The following CELF2 variants were observed in gnomAD, a reference collection of about 807,000 sequenced individuals.
CELF2 encodes the protein CUG triplet repeat RNA-binding protein 2.
CELF2 carries 8 observed loss-of-function variants against 62.6 expected under a neutral mutation model. That is an observed-to-expected ratio of 0.13 (90% CI 0.07 to 0.23). The LOEUF is 0.23. CELF2 is among the 10% of genes least tolerant of loss of function. The pLI, the probability that CELF2 is intolerant of heterozygous loss-of-function variation, is 1.00. For missense variants in CELF2, 333 were observed against 671.0 expected, an observed-to-expected ratio of 0.50 and a Z score of 5.56; for synonymous variants, 258 against 250.0, an observed-to-expected ratio of 1.03 and a Z score of -0.30.
rs983077612 is a variant in CELF2 at position 11,098,428 on chromosome 10, G to T, written c.75-67058G>T. The T allele has an allele frequency of 6.6e-6, 1 of 152,132 alleles. No homozygotes were observed. Among genetic ancestry groups the T allele is most frequent in the African/African-American group, 2.4e-5 (1 of 41,410 alleles). 9.4% of individuals were successfully genotyped at this position (152,132 alleles called of 1,614,324 possible). On this transcript the variant is annotated intron_variant, in intron 1 of 12. Coordinates refer to ENST00000633077, the MANE Select transcript of CELF2 (RefSeq NM_001326342.2). This position sits in a 1 kb window ranked among gnomAD's most constrained non-coding sequence, Gnocchi z 4.0. ...TTGCCCTTAGGTCAGGCACATTGAC[G>T]TGAGCTCAAACCCCCATGTACTGCA...
chr10:11,141,817 A>G (rs1485878699), intron 1 of CELF2, among the ~76,000 whole-genome samples: 3 of 152,250 alleles, frequency 2.0e-5, no homozygotes, highest in African/African-American at 7.2e-5. Flanking sequence ...AACATAATGT[A>G]TGGTATGTAG....
chr10:10,565,118 A>T, the CELF2 span, among the ~76,000 whole-genome samples: 1 of 152,212 alleles, frequency 6.6e-6, no homozygotes, highest in African/African-American at 2.4e-5. Flanking sequence ...AAAGGGGCTT[A>T]TTTTCTCACT....
At chr10:10,501,440 ATAAT>A in the CELF2 span, among the ~76,000 whole-genome samples, 1 of 152,000 alleles carries the variant, frequency 6.6e-6, no homozygotes, top group Non-Finnish European at 1.5e-5. Flanking sequence ...TGCCCACTTT[ATAAT>A]TAGATTTTGT....
At chr10:11,006,010 A>T (rs1267458073) in intron 1 of CELF2, among the ~76,000 whole-genome samples, 1 of 152,090 alleles carries the variant, frequency 6.6e-6, no homozygotes. Flanking sequence ...TTGAAAGCAA[A>T]TATTTGTTTC....
upstream of CELF2, among the ~76,000 whole-genome samples, chr10:11,015,385 A>T (rs1369807384): frequency 1.3e-5 from 2 of 152,210 alleles, no homozygotes; most frequent in East Asian, 3.8e-4. This position sits in a 1 kb window ranked among gnomAD's most constrained non-coding sequence, Gnocchi z 4.8. Flanking sequence ...TGAAAGCTAC[A>T]AATGGAAGAT....
chr10:10,463,092 C>G, the CELF2 span, among the ~76,000 whole-genome samples: 1 of 152,086 alleles, frequency 6.6e-6, no homozygotes, highest in Non-Finnish European at 1.5e-5. Flanking sequence ...ATGAAACAGA[C>G]TAAAGTGAGT....
At chr10:11,317,876 G>T (rs974604874) in intron 10 of CELF2, 1 of 152,250 alleles carries the variant, frequency 6.6e-6, no homozygotes, top group Admixed American at 6.5e-5. Context: ...TGCCGCACCT[G>T]TCACTTGCTT....
intron 1 of CELF2, chr10:10,846,104 C>G: frequency 1.0e-6 from 1 of 985,298 alleles, no homozygotes; most frequent in Non-Finnish European, 1.2e-6. Context: ...TCCCAGAGTT[C>G]AAGCAGGAGT....
chr10:10,798,752 C>G, exon 1 of CELF2: 1 of 398,810 alleles, frequency 2.5e-6, no homozygotes, highest in South Asian at 1.3e-4. Flanking sequence ...CGCCCTCAGC[C>G]GGCTCCTAGA....
chr10:10,574,084 GC>G, the CELF2 span, among the ~76,000 whole-genome samples: 1 of 152,114 alleles, frequency 6.6e-6, no homozygotes, highest in Admixed American at 6.6e-5. Flanking sequence ...GTTAAAAATG[GC>G]CTGAATACAA....
the CELF2 span, among the ~76,000 whole-genome samples, chr10:10,688,290 T>G: frequency 6.6e-6 from 1 of 152,336 alleles, no homozygotes; most frequent in East Asian, 1.9e-4. Flanking sequence ...ATAAAGTGCT[T>G]GTTTATAAAC....
At chr10:10,814,214 T>TAAAAAAA (rs759524110) in intron 1 of CELF2, among the ~76,000 whole-genome samples, 1,041 of 44,422 alleles carry the variant, frequency 0.023, 140 homozygotes, top group South Asian at 0.06. Flanking sequence ...AGAAGAGTCC[T>TAAAAAAA]AAAAAAAAAA....
At chr10:11,190,573 C>T (rs1169622233) in intron 2 of CELF2, among the ~76,000 whole-genome samples, 2 of 150,978 alleles carry the variant, frequency 1.3e-5, no homozygotes, top group Non-Finnish European at 2.9e-5. Context: ...TTAATCACAG[C>T]AGTAACTCCC....
At position 11,333,288 on chromosome 10, in the gene CELF2, T is replaced by TTTAA. The variant is rs1268999279; in HGVS notation, c.*4237_*4240dup. On this transcript the variant is annotated 3_prime_UTR_variant, in exon 13 of 13. Coordinates refer to ENST00000633077, the MANE Select transcript of CELF2 (RefSeq NM_001326342.2). ...ACTGTCCTTCTATCCACTTTTATCT[T>TTTAA]TTAATAAATATCAAAAGGAAAAAGC... The TTTAA allele has an allele frequency of 6.6e-6, 1 of 152,614 alleles. No homozygotes were observed. Among genetic ancestry groups the TTTAA allele is most frequent in the African/African-American group, 2.4e-5 (1 of 41,464 alleles). The allele number at this position is 152,614 out of a possible 1,614,324, so 9.5% of individuals were successfully genotyped here.
rs936318236 is a variant in CELF2, at chr10:11,177,669, T to C, written c.271+11987T>C. Among the ~76,000 whole-genome samples, 2 of 152,218 alleles carry C rather than the reference T, an allele frequency of 1.3e-5. No individual in the cohort carries two copies. Among genetic ancestry groups the C allele is most frequent in the Non-Finnish European group, 1.5e-5 (1 of 68,042 alleles). ...AATAGGGGCCTTAGTTTTTAAATCC[T>C]CTGTAAGATAGTCAAGGCTTCTCCA... On this transcript the variant is annotated intron_variant, in intron 2 of 12. Coordinates refer to ENST00000633077, the MANE Select transcript of CELF2 (RefSeq NM_001326342.2). The surrounding 1 kb of genome is among the most constrained non-coding windows in gnomAD (Gnocchi z 4.8).
intron 9 of CELF2, among the ~76,000 whole-genome samples, chr10:11,295,467 T>C (rs773225675): frequency 6.6e-6 from 1 of 152,270 alleles, no homozygotes; most frequent in Non-Finnish European, 1.5e-5. Flanking sequence ...TATCTTACGT[T>C]AAATTTTGTG....
chr10:10,571,147 G>T, the CELF2 span, among the ~76,000 whole-genome samples: 8 of 151,978 alleles, frequency 5.3e-5, no homozygotes, highest in African/African-American at 1.7e-4. Context: ...CAGCATCAGA[G>T]GACTGAAAAA....
At chr10:10,918,631 T>G (rs955232143) in intron 1 of CELF2, among the ~76,000 whole-genome samples, 6 of 152,142 alleles carry the variant, frequency 3.9e-5, no homozygotes, top group Non-Finnish European at 7.4e-5. Flanking sequence ...GTCCTCTGTT[T>G]GAATTGACAC....
the CELF2 span, among the ~76,000 whole-genome samples, chr10:10,608,653 C>T: frequency 6.6e-6 from 1 of 152,128 alleles, no homozygotes; most frequent in South Asian, 2.1e-4. Flanking sequence ...ACCTCACAGA[C>T]AGCATTCCAC....
Sources: gnomAD v4.1 joint callset for allele counts (sites outside exome capture counted in the v4.1 genomes callset) on GRCh38, gnomAD v4.1.1 for gene constraint, Gnocchi (gnomAD v3.1) non-coding constraint, MANE v1.5 for transcripts, NCBI Gene and HGNC (gene_info 2026-07-23, HGNC 2026-07-21) for gene names.